The following XKR6 variants were observed in gnomAD, a reference collection of about 807,000 sequenced individuals.
The protein encoded by XKR6 is XK related 6.
In XKR6, 22 loss-of-function variants were observed where a neutral mutation model predicts 56.7. The ratio of observed to expected loss-of-function variants is 0.39; its 90% CI spans 0.28 to 0.55. XKR6 has a LOEUF of 0.55. Ranked by LOEUF, XKR6 falls within the 20% of genes least tolerant of loss-of-function variation. The probability of loss-of-function intolerance (pLI) is 0.66; values close to 1 mark genes in which losing one functional copy is unlikely to be tolerated. For synonymous variants in XKR6, 524 were observed against 387.8 expected, an observed-to-expected ratio of 1.35 and a Z score of -4.13; for missense variants, 852 against 889.0, an observed-to-expected ratio of 0.96 and a Z score of 0.53.
At chr8:11,079,174 G>C (rs981134593) in intron 1 of XKR6, among the ~76,000 whole-genome samples, 4 of 152,226 alleles carry the variant, frequency 2.6e-5, no homozygotes, top group African/African-American at 9.6e-5. Context: ...AGTGGCCTCT[G>C]GGCAGGAGAT....
chr8:11,194,464 A>C (rs1480816036), intron 1 of XKR6: 2 of 152,250 alleles, frequency 1.3e-5, no homozygotes, highest in Non-Finnish European at 2.9e-5. Context: ...ATATTTTCAT[A>C]AATTTTTTAA....
intron 1 of XKR6, among the ~76,000 whole-genome samples, chr8:10,961,710 A>G (rs1802066594): frequency 6.6e-6 from 1 of 152,198 alleles, no homozygotes. Flanking sequence ...AGCTGGAAAA[A>G]TGAGATTCTG....
chr8:11,170,382 A>C (rs541846991), intron 1 of XKR6, among the ~76,000 whole-genome samples: 4 of 152,354 alleles, frequency 2.6e-5, no homozygotes, highest in African/African-American at 9.6e-5. Context: ...AAAAGGAGTG[A>C]AGTATTGATT....
intron 1 of XKR6, among the ~76,000 whole-genome samples, chr8:11,090,365 G>C (rs945094312): frequency 2.0e-5 from 3 of 151,790 alleles, no homozygotes; most frequent in African/African-American, 7.3e-5. Flanking sequence ...TGGGATTACA[G>C]GTGTGAGCCA....
chr8:10,972,204 A>G (rs1354437778), intron 1 of XKR6, among the ~76,000 whole-genome samples: 4 of 152,166 alleles, frequency 2.6e-5, no homozygotes, highest in Non-Finnish European at 5.9e-5. Context: ...TCTAGGTTCT[A>G]TTTTGATTAT....
intron 1 of XKR6, among the ~76,000 whole-genome samples, chr8:11,019,176 C>A (rs988298367): frequency 1.3e-5 from 2 of 152,250 alleles, no homozygotes; most frequent in African/African-American, 4.8e-5. Flanking sequence ...GTTTCACTCA[C>A]TTTCCTATCC....
chr8:11,025,564 C>T (rs1798842638), intron 1 of XKR6, among the ~76,000 whole-genome samples: 1 of 152,148 alleles, frequency 6.6e-6, no homozygotes, highest in Admixed American at 6.5e-5. Flanking sequence ...TAATGCCAGG[C>T]TTGGTAAGTA....
intron 1 of XKR6, chr8:11,035,307 T>G (rs774453670): frequency 1.9e-6 from 1 of 534,834 alleles, no homozygotes; most frequent in Non-Finnish European, 3.8e-6. Flanking sequence ...TCAAGCCATC[T>G]TCCTGCGTTG....
At chr8:11,003,045 C>A (rs940494859) in intron 1 of XKR6, among the ~76,000 whole-genome samples, 1 of 152,184 alleles carries the variant, frequency 6.6e-6, no homozygotes, top group African/African-American at 2.4e-5. Context: ...CAGGGACACT[C>A]CCTGCTTCAG....
intron 1 of XKR6, among the ~76,000 whole-genome samples, chr8:11,132,263 G>A (rs930742140): frequency 2.6e-5 from 4 of 152,030 alleles, no homozygotes; most frequent in African/African-American, 7.3e-5. Context: ...AGTCACAGGT[G>A]GTACTTACAG....
At chr8:11,186,117 C>T (rs1193791089) in intron 1 of XKR6, among the ~76,000 whole-genome samples, 2 of 152,236 alleles carry the variant, frequency 1.3e-5, no homozygotes, top group African/African-American at 2.4e-5. Flanking sequence ...AAAGGGAAAT[C>T]GTCTCTTGTA....
At chr8:11,063,834 G>A (rs1034944279) in intron 1 of XKR6, among the ~76,000 whole-genome samples, 1 of 152,132 alleles carries the variant, frequency 6.6e-6, no homozygotes, top group East Asian at 1.9e-4. Flanking sequence ...TTTGCTGTTC[G>A]TCAAATCTCC....
intron 1 of XKR6, among the ~76,000 whole-genome samples, chr8:11,158,804 A>T (rs1801651858): frequency 6.6e-6 from 1 of 152,246 alleles, no homozygotes; most frequent in Non-Finnish European, 1.5e-5. Context: ...CTTAGGTTCA[A>T]GTACATCAAA....
intron 1 of XKR6, among the ~76,000 whole-genome samples, chr8:11,184,211 GATA>G (rs1803145225): frequency 6.6e-6 from 1 of 152,088 alleles, no homozygotes; most frequent in Non-Finnish European, 1.5e-5. Flanking sequence ...AGTCTGAGAA[GATA>G]ATAATTACTT....
chr8:11,001,893 G>T (rs1361118194), intron 1 of XKR6, among the ~76,000 whole-genome samples: 1 of 152,068 alleles, frequency 6.6e-6, no homozygotes, highest in African/African-American at 2.4e-5. Context: ...GAGAGCCCTG[G>T]TCCCTCTGCT....
chr8:11,098,079 C>A (rs754629745), intron 1 of XKR6, among the ~76,000 whole-genome samples: 2 of 152,128 alleles, frequency 1.3e-5, no homozygotes, highest in Non-Finnish European at 2.9e-5. Context: ...TAGAGCCTTG[C>A]TAGGCTCTGC....
At chr8:11,036,710 T>G (rs572027914) in intron 1 of XKR6, among the ~76,000 whole-genome samples, 2 of 152,234 alleles carry the variant, frequency 1.3e-5, no homozygotes, top group Admixed American at 1.3e-4. Context: ...ACATTTTCAT[T>G]ATGTTGACGT....
intron 1 of XKR6, among the ~76,000 whole-genome samples, chr8:11,145,753 A>G (rs1324374721): frequency 6.6e-6 from 1 of 152,188 alleles, no homozygotes; most frequent in East Asian, 1.9e-4. Context: ...AGAAGGTTTA[A>G]TATTGTCATG....
Position 10,950,427 on chromosome 8 carries a change from C to G in XKR6, c.765-25597G>C, listed in dbSNP as rs370871683. ...GGGGGAGAGTGACTGTGGCAGAGAT[C>G]ACGGGTCCAGGCCTTTCCTGTCATT... On this transcript the variant is annotated intron_variant, in intron 1 of 2. Transcript: ENST00000416569. Among the ~76,000 whole-genome samples the G allele has an allele frequency of 1.1e-4, 16 of 152,318 alleles. No individual in the cohort carries two copies. In the East Asian group the frequency reaches 2.9e-3, roughly 28 times the overall value.
Sources: allele counts gnomAD v4.1 joint callset (sites outside exome capture counted in the v4.1 genomes callset), GRCh38; gene constraint gnomAD v4.1.1; transcripts MANE v1.5; gene names NCBI Gene and HGNC (gene_info 2026-07-23, HGNC 2026-07-21).